The following P2RY12 variants were observed in gnomAD, a reference collection of about 807,000 sequenced individuals.
P2RY12 encodes purinergic receptor P2Y12.
In P2RY12, 3 loss-of-function variants were observed where a neutral mutation model predicts 4.5. That is an observed-to-expected ratio of 0.67 (90% CI 0.31 to 1.74). P2RY12 has a LOEUF of 1.74. P2RY12 is among the 40% of genes most tolerant of loss of function. The pLI, the probability that P2RY12 is intolerant of heterozygous loss-of-function variation, is 0.09. For missense variants in P2RY12, 356 were observed against 407.8 expected (o/e 0.87, Z 1.09); for synonymous variants, 148 against 154.1 (o/e 0.96, Z 0.29).
intron 1 of P2RY12, among the ~76,000 whole-genome samples, chr3:151,362,628 T>C (rs1388625): frequency 0.11 from 16,950 of 152,150 alleles, 1,244 homozygotes; most frequent in Middle Eastern, 0.17. Context: ...CCTTAGAATG[T>C]ATGCTTCATG....
intron 1 of P2RY12, among the ~76,000 whole-genome samples, chr3:151,373,338 T>C (rs923938821): frequency 4.6e-5 from 7 of 152,194 alleles, no homozygotes; most frequent in Non-Finnish European, 1.0e-4. Flanking sequence ...AAGGGTGATG[T>C]TAATTTTGAT....
At chr3:151,355,822 G>A (rs1753847416) in intron 1 of P2RY12, 2 of 1,367,442 alleles carry the variant, frequency 1.5e-6, no homozygotes, top group Admixed American at 2.3e-5. Context: ...GTCTTAAAAA[G>A]TAAAAATGAT....
Position 151,337,957 on chromosome 3 carries a change from T to G in P2RY12, c.889A>C (p.Ile297Leu). 1 of 1,614,142 alleles carries G rather than the reference T, an allele frequency of 6.2e-7. No homozygotes were observed. The highest frequency in any genetic ancestry group is 8.5e-7 in the Non-Finnish European group (1 of 1,180,006). Residue 297 changes from isoleucine to leucine, a missense_variant, in exon 3 of 3, where the codon ATC (isoleucine) becomes CTC (leucine). Ile to Leu is a conservative substitution (Grantham distance 5). Coordinates refer to ENST00000302632, the MANE Select transcript of P2RY12 (RefSeq NM_022788.5). ...AAGGACTTGCAAAGGAAAAAATAGATGAACGGATCCAGGCATGCATTTAAG... is the reference window on the plus strand; with the variant it reads ...AAGGACTTGCAAAGGAAAAAATAGAGGAACGGATCCAGGCATGCATTTAAG... ...TSLNACLDPF[I>L]YFFLCKSFRN... is the part of the protein sequence containing the mutation.
Position 151,338,469 on chromosome 3 carries a change from G to T in P2RY12, c.377C>A (p.Thr126Asn). ...GLITIDRYQK[T>N]TRPFKTSNPK... ...GTTGGATGTTTTAAATGGCCTGGTGGTCTTCTGGTAGCGATCGATAGTTAT... is the reference window on the plus strand; with the variant it reads ...GTTGGATGTTTTAAATGGCCTGGTGTTCTTCTGGTAGCGATCGATAGTTAT... The change falls in exon 3 of 3, where the codon ACC becomes AAC. Residue 126 changes from threonine to asparagine, a missense_variant. Transcript: ENST00000302632. The T allele has an allele frequency of 1.2e-6, 2 of 1,613,940 alleles. No homozygotes were observed. The highest frequency in any genetic ancestry group is 1.7e-6 in the Non-Finnish European group (2 of 1,179,998).
At position 151,344,066 on chromosome 3, in the gene P2RY12, C is replaced by T. The variant is rs573921532; in HGVS notation, c.-179-3306G>A. 1.1e-4 allele frequency among the ~76,000 whole-genome samples: 16 copies of T among 152,156 alleles called. No homozygotes were observed. The East Asian group carries it at 1.9e-3, about 18-fold the overall frequency. ...AGATACCAACAGGTTCCAAAAGTAA[C>T]GAGTCTTGGGCATTGAAATATTTCG... On this transcript the variant is annotated intron_variant, in intron 1 of 2. Transcript: ENST00000302632.
At chr3:151,382,467 G>T (rs374195229) in intron 1 of P2RY12, among the ~76,000 whole-genome samples, 2 of 151,936 alleles carry the variant, frequency 1.3e-5, no homozygotes, top group East Asian at 3.9e-4. Flanking sequence ...CACCTAGAAC[G>T]GCAAATGCAC....
At chr3:151,342,260 A>G (rs1560051897) in intron 1 of P2RY12, among the ~76,000 whole-genome samples, 2 of 152,162 alleles carry the variant, frequency 1.3e-5, no homozygotes, top group Non-Finnish European at 2.9e-5. Context: ...ACTTTATGTA[A>G]ATATTGCTTT....
intron 1 of P2RY12, chr3:151,376,352 A>T (rs914183350): frequency 4.4e-6 from 3 of 681,252 alleles, no homozygotes; most frequent in Non-Finnish European, 6.7e-6. Context: ...TTTCTGTGGA[A>T]TTGACATACT....
rs1479403015 is a variant in P2RY12, at chr3:151,337,543, A to G, written c.*274T>C. 2.0e-5 allele frequency: 7 copies of G among 348,920 alleles called. No individual in the cohort carries two copies. The highest frequency in any genetic ancestry group is 2.6e-5 in the Non-Finnish European group (5 of 192,294). 21.6% of individuals were successfully genotyped at this position (348,920 alleles called of 1,614,324 possible). A position where few individuals can be genotyped will look rare whatever the true frequency, so the allele number is the denominator to read the frequency against. ...TTACTCATTTTGGCAAAACTCTGCAAAACATGAATTCTGTGTAGTTTTGCA... is the reference window on the plus strand; with the variant it reads ...TTACTCATTTTGGCAAAACTCTGCAGAACATGAATTCTGTGTAGTTTTGCA... On this transcript the variant is annotated 3_prime_UTR_variant, in exon 3 of 3. Transcript: ENST00000302632.
intron 1 of P2RY12, among the ~76,000 whole-genome samples, chr3:151,358,871 T>C (rs772028240): frequency 2.0e-5 from 3 of 152,204 alleles, no homozygotes. Flanking sequence ...TAACAGACTC[T>C]GAATAAATGT....
At chr3:151,361,767 A>C (rs970608537) in intron 1 of P2RY12, among the ~76,000 whole-genome samples, 2 of 152,052 alleles carry the variant, frequency 1.3e-5, no homozygotes, top group Non-Finnish European at 2.9e-5. Context: ...TTTCAGAGCT[A>C]TTTGCATGCT....
At chr3:151,362,253 C>T (rs1453805953) in intron 1 of P2RY12, among the ~76,000 whole-genome samples, 2 of 151,982 alleles carry the variant, frequency 1.3e-5, no homozygotes, top group Non-Finnish European at 2.9e-5. Context: ...TTTTAATATA[C>T]GAATGATTCA....
chr3:151,383,942 T>C, intron 1 of P2RY12: 1 of 1,524,964 alleles, frequency 6.6e-7, no homozygotes. Context: ...TGGTATAAGC[T>C]TTGATATACT....
At chr3:151,355,006 A>G (rs1231378583) in intron 1 of P2RY12, 6 of 745,618 alleles carry the variant, frequency 8.0e-6, no homozygotes, top group Admixed American at 4.9e-5. Context: ...ATTGAAATTC[A>G]TAGAATTTGT....
At chr3:151,340,914 G>A (rs932778273) in intron 1 of P2RY12, 154 bp from the exon 2 acceptor site, 7 of 152,192 alleles carry the variant, frequency 4.6e-5, no homozygotes, top group Non-Finnish European at 8.8e-5. Context: ...GAGGATGGCT[G>A]AGAAGTCATC....
rs369130191 is a variant in P2RY12, at chr3:151,369,962, T to G, written c.-180+14730A>C. The stretch of plus-strand genomic sequence containing the variant: ...AGCAGAACACCAGAAAATCTGAGTC[T>G]TAATCTTAGTATTTTTGCTCCTATC... On this transcript the variant is annotated intron_variant, in intron 1 of 2. Coordinates refer to ENST00000302632, the MANE Select transcript of P2RY12 (RefSeq NM_022788.5). Among the ~76,000 whole-genome samples, 8 of 152,170 alleles carry G rather than the reference T, an allele frequency of 5.3e-5. No individual in the cohort carries two copies. The East Asian group carries it at 1.5e-3, about 29-fold the overall frequency.
intron 1 of P2RY12, chr3:151,382,794 G>GA (rs1712625720): frequency 7.0e-7 from 1 of 1,436,448 alleles, no homozygotes; most frequent in East Asian, 2.4e-5. Flanking sequence ...ATTTACATGT[G>GA]AAAATACCTC....
intron 1 of P2RY12, among the ~76,000 whole-genome samples, chr3:151,368,689 TATTTCATTTC>T (rs1175917645): frequency 0.087 from 3,468 of 40,046 alleles, 93 homozygotes; most frequent in Non-Finnish European, 0.11. Context: ...CATTTCATTT[TATTTCATTTC>T]ATTTCATTTC....
intron 1 of P2RY12, among the ~76,000 whole-genome samples, chr3:151,379,245 C>G (rs1335055368): frequency 6.6e-6 from 1 of 152,152 alleles, no homozygotes; most frequent in African/African-American, 2.4e-5. Context: ...GCCTAACTTC[C>G]CATAGGCAGG....
Sources: gnomAD v4.1 joint callset for allele counts (sites outside exome capture counted in the v4.1 genomes callset) on GRCh38, gnomAD v4.1.1 for gene constraint, MANE v1.5 for transcripts, NCBI Gene and HGNC (gene_info 2026-07-23, HGNC 2026-07-21) for gene names.